Variants in KCTD2 observed in about 807,000 individuals in gnomAD.
KCTD2 encodes the protein BTB/POZ domain-containing protein KCTD2.
A neutral mutation model predicts 27.9 loss-of-function variants in KCTD2; 18 were observed. That is an observed-to-expected ratio of 0.64 (90% CI 0.45 to 0.96). The LOEUF (loss-of-function observed/expected upper bound fraction) is 0.96, where lower values mean the gene tolerates loss of function less well. Among genes scored for constraint, KCTD2 ranks in the 40% least tolerant of loss-of-function variants. The probability of loss-of-function intolerance (pLI) is 0.00; values close to 1 mark genes in which losing one functional copy is unlikely to be tolerated. For missense variants in KCTD2, 280 were observed against 348.0 expected, an observed-to-expected ratio of 0.80 and a Z score of 1.56; for synonymous variants, 175 against 148.4, an observed-to-expected ratio of 1.18 and a Z score of -1.30.
intron 1 of KCTD2, among the ~76,000 whole-genome samples, chr17:75,047,805 C>T (rs999192244): frequency 1.3e-5 from 2 of 152,134 alleles, no homozygotes; most frequent in Non-Finnish European, 2.9e-5. Context: ...TCCCCGACCC[C>T]GCCCTTCGTT....
At chr17:75,036,022 G>C in intron 3 of KCTD2, 3 of 454,504 alleles carry the variant, frequency 6.6e-6, no homozygotes, top group East Asian at 7.0e-5. Flanking sequence ...AGTGTACTTG[G>C]ACATAGGGGA....
At chr17:75,049,131 G>T (rs547111769) in intron 1 of KCTD2, 89 bp from the exon 2 acceptor site, 5 of 729,062 alleles carry the variant, frequency 6.9e-6, no homozygotes, top group Non-Finnish European at 1.1e-5. Flanking sequence ...TTGTCTTGGG[G>T]CGCTGACAAA....
At chr17:75,044,237 C>T (rs1302256909), upstream of KCTD2, among the ~76,000 whole-genome samples, 178 of 87,794 alleles carry the variant, frequency 2.0e-3, no homozygotes, top group African/African-American at 8.2e-3. Flanking sequence ...CTCGCTCTGT[C>T]GCCCAGGCCG....
chr17:75,033,999 G>A (rs12943281), intron 1 of KCTD2: 14,210 of 152,290 alleles, frequency 0.093, 1,477 homozygotes, highest in African/African-American at 0.26. Context: ...TTCCTTTTAC[G>A]GAATTTTTTA....
chr17:75,051,263 C>T (rs1171516771), intron 2 of KCTD2, among the ~76,000 whole-genome samples: 1 of 147,650 alleles, frequency 6.8e-6, no homozygotes, highest in Non-Finnish European at 1.5e-5. Flanking sequence ...CAGACATGAG[C>T]CACCGCGCCC....
At chr17:75,039,154 G>C in intron 3 of KCTD2, 1 of 1,612,030 alleles carries the variant, frequency 6.2e-7, no homozygotes, top group Non-Finnish European at 8.5e-7. Flanking sequence ...TGAAAGATGT[G>C]TGGTCATGAA....
chr17:75,044,021 CACT>C (rs1220455249), upstream of KCTD2, among the ~76,000 whole-genome samples: 3 of 141,538 alleles, frequency 2.1e-5, no homozygotes, highest in Non-Finnish European at 4.5e-5. Context: ...ACACGTTGTG[CACT>C]TTTTTTTTTT....
intron 3 of KCTD2, chr17:75,040,424 T>C (rs527311881): frequency 2.8e-5 from 13 of 464,118 alleles, no homozygotes; most frequent in African/African-American, 2.2e-4. Flanking sequence ...TTCTTTATGA[T>C]GATAAGCTTC....
chr17:75,035,016 C>T (rs2040100222), intron 2 of KCTD2, among the ~76,000 whole-genome samples: 1 of 152,094 alleles, frequency 6.6e-6, no homozygotes, highest in South Asian at 2.1e-4. Flanking sequence ...GAGCGCTTCG[C>T]TCAACAGGCG....
intron 3 of KCTD2, among the ~76,000 whole-genome samples, chr17:75,055,702 C>T (rs1213926440): frequency 6.6e-6 from 1 of 152,120 alleles, no homozygotes; most frequent in African/African-American, 2.4e-5. Flanking sequence ...GGTGGTGGCA[C>T]ATGCCTGTAA....
rs1210993626 is a variant in KCTD2, at chr17:75,047,476, C to T, written c.226C>T (p.Leu76=). The part of the protein sequence containing the change: ...GGGGAARWVR[L]NVGGTYFVTT... ...CGGCGGCGCGGCCCGCTGGGTCAGG[C>T]TGAACGTGGGAGGCACCTACTTCGT... Residue 76 remains leucine, a synonymous_variant, in exon 1 of 6, where the codon CTG becomes TTG. Transcript: ENST00000322444. 6.3e-7 allele frequency: 1 copy of T among 1,592,062 alleles called. No individual in the cohort carries two copies. The highest frequency in any genetic ancestry group is 1.7e-5 in the Admixed American group (1 of 58,922).
intron 1 of KCTD2, among the ~76,000 whole-genome samples, chr17:75,033,745 G>A (rs1490020966): frequency 6.6e-6 from 1 of 152,212 alleles, no homozygotes; most frequent in African/African-American, 2.4e-5. Flanking sequence ...AGTAAGGATG[G>A]GGGCAGGTCC....
rs374250140 is a variant in KCTD2 at position 75,065,103 on chromosome 17, A to G, written c.*2056A>G. The stretch of plus-strand genomic sequence containing the variant: ...ACCTCCTGAGGGCGCCGTTTCCTTC[A>G]TTCCTCTTAGATTCCATAGTTGCCG... On this transcript the variant is annotated 3_prime_UTR_variant, in exon 6 of 6. Coordinates refer to ENST00000322444, the MANE Select transcript of KCTD2 (RefSeq NM_015353.3). 6.6e-6 allele frequency: 1 copy of G among 152,130 alleles called. No homozygotes were observed. The highest frequency in any genetic ancestry group is 1.5e-5 in the Non-Finnish European group (1 of 68,040). The allele number at this position is 152,130 out of a possible 1,614,324, so 9.4% of individuals were successfully genotyped here. A position where few individuals can be genotyped will look rare whatever the true frequency, so the allele number is the denominator to read the frequency against.
chr17:75,046,516 A>G (rs2073218463), upstream of KCTD2, among the ~76,000 whole-genome samples: 1 of 152,214 alleles, frequency 6.6e-6, no homozygotes, highest in African/African-American at 2.4e-5. Flanking sequence ...TGAACGCTCT[A>G]TACGTTCGAA....
At chr17:75,043,172 G>A (rs552552250), upstream of KCTD2, among the ~76,000 whole-genome samples, 8 of 152,208 alleles carry the variant, frequency 5.3e-5, no homozygotes. Context: ...AATGAGCTGA[G>A]ATGGCATCAG....
chr17:75,060,639 AGTGGGCCCGGCCAGGGAGGGCGC>A lies in KCTD2; in HGVS notation c.636+1036_636+1058del, dbSNP rs1336674027. ...CAGGTTCATGGCTGGGCGCGTGGCG[AGTGGGCCCGGCCAGGGAGGGCGC>A]GCGTGCGAGGGCGGGTCAGGCTGCA... On this transcript the variant is annotated intron_variant, in intron 4 of 5. Coordinates refer to ENST00000322444, the MANE Select transcript of KCTD2 (RefSeq NM_015353.3). The A allele has an allele frequency of 1.7e-4, 271 of 1,565,134 alleles. 1 individual carries two copies. Among genetic ancestry groups the A allele is most frequent in the Non-Finnish European group, 2.2e-4 (257 of 1,156,598 alleles).
Position 75,059,610 on chromosome 17 carries a change from A to C in KCTD2, c.636+5A>C, listed in dbSNP as rs760122800. ...GACGGCTGGAAATTCGAACAGGTACATCTCTTAACAGAGCAGCAATCCCAG... is the reference window on the plus strand; with the variant it reads ...GACGGCTGGAAATTCGAACAGGTACCTCTCTTAACAGAGCAGCAATCCCAG... On this transcript the variant is annotated splice_donor_5th_base_variant and intron_variant, in intron 4 of 5. Transcript: ENST00000322444. 1.2e-6 allele frequency: 2 copies of C among 1,610,512 alleles called. No homozygotes were observed. The highest frequency in any genetic ancestry group is 4.5e-5 in the East Asian group (2 of 44,866).
At chr17:75,033,806 G>T (rs73995733) in intron 1 of KCTD2, among the ~76,000 whole-genome samples, 210 of 152,342 alleles carry the variant, frequency 1.4e-3, no homozygotes, top group African/African-American at 4.6e-3. Context: ...CGCGCGGCAG[G>T]GACGGACCCA....
At chr17:75,035,852 C>T (rs8073270) in intron 3 of KCTD2, among the ~76,000 whole-genome samples, 1,637 of 151,946 alleles carry the variant, frequency 0.011, 30 homozygotes, top group African/African-American at 0.038. Context: ...AACAAACAAA[C>T]AAACAAAAAA....
Sources: gnomAD v4.1 joint callset for allele counts (sites outside exome capture counted in the v4.1 genomes callset) on GRCh38, gnomAD v4.1.1 for gene constraint, MANE v1.5 for transcripts, NCBI Gene and HGNC (gene_info 2026-07-23, HGNC 2026-07-21) for gene names.